SIRT2: variants seen among roughly 807,000 people sequenced by gnomAD.
The protein encoded by SIRT2 is sirtuin 2, also known as NAD-dependent protein deacetylase sirtuin-2.
In SIRT2, 40 loss-of-function variants were observed where a neutral mutation model predicts 57.4. The ratio of observed to expected loss-of-function variants is 0.70; its 90% CI spans 0.54 to 0.91. The LOEUF (loss-of-function observed/expected upper bound fraction) is 0.91. Among genes scored for constraint, SIRT2 ranks in the 40% least tolerant of loss-of-function variants. The pLI is 0.00. For missense variants in SIRT2, 439 were observed against 510.4 expected (o/e 0.86, Z 1.35); for synonymous variants, 161 against 195.7 (o/e 0.82, Z 1.48).
rs757115883 is a variant in SIRT2 at position 38,899,598 on chromosome 19, T to A, written c.-77A>T. On this transcript the variant is annotated 5_prime_UTR_variant, in exon 1 of 16. Coordinates refer to ENST00000249396, the MANE Select transcript of SIRT2 (RefSeq NM_012237.4). ...CCAACCACTGTGTCCCGTCACCGAC[T>A]GCTCTGTCCTGTCACCGACTGCTCT... 4 of 1,588,836 alleles carry A rather than the reference T, an allele frequency of 2.5e-6. No homozygotes were observed. The highest frequency in any genetic ancestry group is 3.5e-6 in the Non-Finnish European group (4 of 1,157,850).
At chr19:38,886,362 TGCAAATAACTGAACAGTAA>T (rs1330426826) in intron 8 of SIRT2, among the ~76,000 whole-genome samples, 5 of 152,258 alleles carry the variant, frequency 3.3e-5, no homozygotes, top group Admixed American at 2.0e-4. Context: ...GTGAGCAATT[TGCAAATAACTGAACAGTAA>T]GCAAATAACT....
chr19:38,893,367 G>T, intron 4 of SIRT2, 47 bp downstream of exon 4: 1 of 1,185,872 alleles, frequency 8.4e-7, no homozygotes, highest in Non-Finnish European at 1.3e-6. Flanking sequence ...GAGGTCACTT[G>T]GGGCCAGGAG....
rs144696890 is a variant in SIRT2, at chr19:38,891,099, T to C, written c.227-955A>G. 4.8e-3 allele frequency among the ~76,000 whole-genome samples: 731 copies of C among 152,380 alleles called. 7 individuals carry two copies. Among genetic ancestry groups the C allele is most frequent in the African/African-American group, 0.017 (701 of 41,586 alleles). The stretch of plus-strand genomic sequence containing the variant: ...ACTTGGCAACTGTTTGACCCTACAC[T>C]GAGTCGTGACCTTTTTGTGCCTCCT... On this transcript the variant is annotated intron_variant, in intron 4 of 15. Coordinates refer to ENST00000249396, the MANE Select transcript of SIRT2 (RefSeq NM_012237.4).
In SIRT2 at chr19:38,893,443, C is replaced by A. The variant is rs770557472; in HGVS notation, c.197G>T (p.Gly66Val). ...TTCGCTCTGCATGTACCGGGCCACC[C>A]CTTCCAAGGTCAGCTCGTCCAGCAG... Reference protein sequence around the residue: ...ERLLDELTLEGVARYMQSERC... With the variant: ...ERLLDELTLEVVARYMQSERC... Residue 66 changes from glycine to valine, a missense_variant, in exon 4 of 16, where the codon GGG (glycine) becomes GTG (valine). Transcript: ENST00000249396. 6.2e-7 allele frequency: 1 copy of A among 1,613,946 alleles called. No homozygotes were observed. Among genetic ancestry groups the A allele is most frequent in the South Asian group, 1.1e-5 (1 of 91,080 alleles).
At chr19:38,879,770 C>A in intron 13 of SIRT2, 68 bp from the exon 14 acceptor site, 3 of 1,222,190 alleles carry the variant, frequency 2.5e-6, no homozygotes, top group Non-Finnish European at 3.5e-6. Flanking sequence ...GACCCTGGAG[C>A]CAGGTGGCCT....
chr19:38,880,944 ACCGCTCCCTCCC>A lies in SIRT2; in HGVS notation c.748-59_748-48del. 6.3e-7 allele frequency: 1 copy of A among 1,587,294 alleles called. No individual in the cohort carries two copies. The highest frequency in any genetic ancestry group is 8.6e-7 in the Non-Finnish European group (1 of 1,157,720). ...TGGGAGCCTCCGCCCAGGCTGCGCCACCGCTCCCTCCCCCGCCCCCAGCAGCAAACCTCCCTG... is the reference window on the plus strand; with the variant it reads ...TGGGAGCCTCCGCCCAGGCTGCGCCACCGCCCCCAGCAGCAAACCTCCCTG... On this transcript the variant is annotated intron_variant, in intron 11 of 15. Coordinates refer to ENST00000249396, the MANE Select transcript of SIRT2 (RefSeq NM_012237.4). The surrounding 1 kb of genome is among the most constrained non-coding windows in gnomAD (Gnocchi z 4.1).
rs771895539 is a variant in SIRT2 at position 38,879,464 on chromosome 19, G to A, written c.984C>T (p.Cys328=). The A allele has an allele frequency of 1.8e-5, 29 of 1,602,978 alleles. 1 individual carries two copies. In the South Asian group the frequency reaches 2.7e-4, roughly 15 times the overall value. ...VAWLGECDQG[C]LALAELLGWK... ...ATCCAAGGAGCTCAGCAAGGGCCAG[G>A]CAGCCCTGGTCGCATTCACCCAGCC... Residue 328 remains cysteine, a synonymous_variant, in exon 15 of 16, where the codon TGC becomes TGT. Coordinates refer to ENST00000249396, the MANE Select transcript of SIRT2 (RefSeq NM_012237.4).
chr19:38,893,600 C>A, intron 3 of SIRT2, 73 bp from the exon 4 acceptor site: 1 of 1,272,784 alleles, frequency 7.9e-7, no homozygotes, highest in Admixed American at 1.9e-5. Flanking sequence ...GGCACCCTGG[C>A]CCCAGCCCTG....
intron 3 of SIRT2, 51 bp downstream of exon 3, chr19:38,893,768 T>TC: frequency 6.2e-7 from 1 of 1,601,316 alleles, no homozygotes; most frequent in Admixed American, 1.7e-5. Context: ...TGCCCTGAAA[T>TC]CCCCCCGCCC....
intron 7 of SIRT2, 104 bp from the exon 8 acceptor site, chr19:38,889,259 G>A: frequency 1.8e-6 from 2 of 1,099,156 alleles, no homozygotes; most frequent in East Asian, 4.8e-5. Flanking sequence ...TTTACCCCCA[G>A]GGAACCGTCA....
Position 38,879,377 on chromosome 19 carries a change from T to C in SIRT2, c.1014+57A>G. ...TCATGGGGTCAGAGGACCCATGGGGTGGGGAGAGGGTCCAGGGATGGGGCT... is the reference window on the plus strand; with the variant it reads ...TCATGGGGTCAGAGGACCCATGGGGCGGGGAGAGGGTCCAGGGATGGGGCT... On this transcript the variant is annotated intron_variant, in intron 15 of 15. Transcript: ENST00000249396. The C allele has an allele frequency of 1.9e-6, 3 of 1,600,202 alleles. No individual in the cohort carries two copies. The South Asian group carries it at 3.4e-5, about 18-fold the overall frequency.
chr19:38,891,419 C>A (rs192813738), intron 4 of SIRT2, among the ~76,000 whole-genome samples: 1 of 152,048 alleles, frequency 6.6e-6, no homozygotes, highest in Non-Finnish European at 1.5e-5. Flanking sequence ...CGTGGTGGCA[C>A]GCGCCTGTAA....
chr19:38,890,445 C>T (rs1973498004), intron 4 of SIRT2: 1 of 404,164 alleles, frequency 2.5e-6, no homozygotes, highest in South Asian at 3.0e-5. Flanking sequence ...AATCCCAGAA[C>T]TTTGGGAGGC....
chr19:38,889,773 A>T (rs1423197788), intron 6 of SIRT2, 28 bp from the exon 7 acceptor site: 3 of 1,614,040 alleles, frequency 1.9e-6, no homozygotes, highest in Admixed American at 1.7e-5. Context: ...AGAGGGCCAG[A>T]TGCCCCAGGT....
At position 38,880,793 on chromosome 19, in the gene SIRT2, G is replaced by A. The variant is rs776941211; in HGVS notation, c.824+28C>T. The A allele has an allele frequency of 2.5e-5, 41 of 1,612,720 alleles. No homozygotes were observed. The highest frequency in any genetic ancestry group is 4.0e-5 in the African/African-American group (3 of 74,996). ...CTGTCCTGGCCCTGGGTGCCCAGCC[G>A]TCCTCCCAGCCACAGCCCCCAACCT... On this transcript the variant is annotated intron_variant, in intron 12 of 15. Transcript: ENST00000249396. This position sits in a 1 kb window ranked among gnomAD's most constrained non-coding sequence, Gnocchi z 4.1.
chr19:38,889,636 C>G (rs1973458910), intron 7 of SIRT2, 53 bp downstream of exon 7: 1 of 1,599,942 alleles, frequency 6.3e-7, no homozygotes, highest in Non-Finnish European at 8.6e-7. Context: ...GCTTCTCATG[C>G]GTGCCCTCCC....
intron 2 of SIRT2, 48 bp from the exon 3 acceptor site, chr19:38,893,915 G>C (rs1354183561): frequency 6.2e-7 from 1 of 1,611,516 alleles, no homozygotes; most frequent in Non-Finnish European, 8.5e-7. Flanking sequence ...TGGGATTAGG[G>C]AGGGAGGAGA....
chr19:38,890,173 G>T, intron 4 of SIRT2, 29 bp from the exon 5 acceptor site: 1 of 1,613,454 alleles, frequency 6.2e-7, no homozygotes, highest in Non-Finnish European at 8.5e-7. Context: ...TGCACCATAT[G>T]ACACCGTTTG....
rs185617242 is a variant in SIRT2, at chr19:38,885,782, G to A, written c.502-2026C>T. Among the ~76,000 whole-genome samples, 499 of 151,998 alleles carry A rather than the reference G, an allele frequency of 3.3e-3. 1 individual carries two copies. Among genetic ancestry groups the A allele is most frequent in the Non-Finnish European group, 5.4e-3 (366 of 67,960 alleles). ...ATTTTTGTATTTTTAGTAGAGACGG[G>A]GTTTCACCATGTTGGTCAGGATGGT... On this transcript the variant is annotated intron_variant, in intron 8 of 15. Coordinates refer to ENST00000249396, the MANE Select transcript of SIRT2 (RefSeq NM_012237.4).
Sources: allele counts gnomAD v4.1 joint callset (sites outside exome capture counted in the v4.1 genomes callset), GRCh38; gene constraint gnomAD v4.1.1; non-coding constraint Gnocchi (gnomAD v3.1); transcripts MANE v1.5; gene names NCBI Gene and HGNC (gene_info 2026-07-23, HGNC 2026-07-21).